CGNL1: variants seen among roughly 807,000 people sequenced by gnomAD.
The protein encoded by CGNL1 is cingulin-like protein 1.
CGNL1 carries 132 observed loss-of-function variants against 141.2 expected under a neutral mutation model. The observed-to-expected ratio is 0.93, with a 90% CI of 0.81 to 1.08. The LOEUF is 1.08. Ranked by LOEUF, CGNL1 falls within the 50% of genes least tolerant of loss-of-function variation. The pLI, the probability that CGNL1 is intolerant of heterozygous loss-of-function variation, is 0.00. For synonymous variants in CGNL1, 690 were observed against 622.1 expected (o/e 1.11, Z -1.63); for missense variants, 1,870 against 1,588.6 (o/e 1.18, Z -3.01).
At chr15:57,432,465 A>G (rs2063056477) in intron 1 of CGNL1, among the ~76,000 whole-genome samples, 1 of 152,228 alleles carries the variant, frequency 6.6e-6, no homozygotes, top group South Asian at 2.1e-4. Flanking sequence ...CTCGCTAACT[A>G]AAGCAATTAT....
intron 1 of CGNL1, among the ~76,000 whole-genome samples, chr15:57,433,236 G>T (rs1260552900): frequency 1.3e-5 from 2 of 152,208 alleles, no homozygotes; most frequent in Non-Finnish European, 2.9e-5. Context: ...TTATTTTGGT[G>T]TCAGCCCTCA....
intron 8 of CGNL1, among the ~76,000 whole-genome samples, chr15:57,513,841 A>T (rs2030547863): frequency 6.6e-6 from 1 of 152,102 alleles, no homozygotes; most frequent in African/African-American, 2.4e-5. Flanking sequence ...TATTTCTCTT[A>T]GCTATATAGC....
At chr15:57,473,827 A>C (rs1351945111) in intron 8 of CGNL1, among the ~76,000 whole-genome samples, 1 of 149,338 alleles carries the variant, frequency 6.7e-6, no homozygotes, top group African/African-American at 2.5e-5. Context: ...TAACATCTTG[A>C]CTGCAGCCTC....
chr15:57,512,397 G>A (rs1042479381), intron 8 of CGNL1, among the ~76,000 whole-genome samples: 9 of 152,116 alleles, frequency 5.9e-5, no homozygotes, highest in Non-Finnish European at 1.2e-4. Flanking sequence ...GGGTGTGGGG[G>A]CATGAAAATG....
intron 1 of CGNL1, among the ~76,000 whole-genome samples, chr15:57,378,237 G>T (rs187383611): frequency 1.3e-5 from 2 of 151,984 alleles, no homozygotes; most frequent in Admixed American, 1.3e-4. Flanking sequence ...GATAGTCTCC[G>T]GGGATCTTGG....
chr15:57,380,654 G>A (rs1360986766), intron 1 of CGNL1, among the ~76,000 whole-genome samples: 2 of 152,172 alleles, frequency 1.3e-5, no homozygotes, highest in African/African-American at 4.8e-5. Context: ...GACTCCAGGA[G>A]CGAGAAGGGT....
At position 57,550,552 on chromosome 15, in the gene CGNL1, T is replaced by C. The variant is rs1446883255; in HGVS notation, c.*3062T>C. 6.5e-6 allele frequency: 1 copy of C among 152,672 alleles called. No individual in the cohort carries two copies. Among genetic ancestry groups the C allele is most frequent in the African/African-American group, 2.4e-5 (1 of 41,466 alleles). The allele number at this position is 152,672 out of a possible 1,614,324, so 9.5% of individuals were successfully genotyped here. A position where few individuals can be genotyped will look rare whatever the true frequency, so the allele number is the denominator to read the frequency against. ...GGTTTTTCCTGCTTCTGAGTGTCGT[T>C]CTACAATGCCCGTTGACTTATTCCA... On this transcript the variant is annotated 3_prime_UTR_variant, in exon 19 of 19. Coordinates refer to ENST00000281282, the MANE Select transcript of CGNL1 (RefSeq NM_032866.5).
In CGNL1 at chr15:57,545,716, G is replaced by A. The variant is rs371292061; in HGVS notation, c.3609+16G>A. On this transcript the variant is annotated intron_variant, in intron 17 of 18. Transcript: ENST00000281282. ...GAAGGACCAGGTGGGGAGCCTCTGC[G>A]TGCATTTGCTCTTAGATGAGATTGC... 1.2e-5 allele frequency: 19 copies of A among 1,592,770 alleles called. No individual in the cohort carries two copies. Among genetic ancestry groups the A allele is most frequent in the East Asian group, 6.7e-5 (3 of 44,604 alleles).
chr15:57,490,806 G>A (rs2063850047), intron 8 of CGNL1, among the ~76,000 whole-genome samples: 1 of 152,134 alleles, frequency 6.6e-6, no homozygotes, highest in South Asian at 2.1e-4. Flanking sequence ...CATTACGTCA[G>A]CCACGTGATC....
intron 12 of CGNL1, among the ~76,000 whole-genome samples, chr15:57,526,978 T>G (rs912340448): frequency 6.6e-6 from 1 of 152,218 alleles, no homozygotes; most frequent in Non-Finnish European, 1.5e-5. Context: ...CTCATTTGAT[T>G]CTCATAATAG....
At chr15:57,433,379 G>A (rs373187373) in intron 1 of CGNL1, among the ~76,000 whole-genome samples, 3 of 152,282 alleles carry the variant, frequency 2.0e-5, no homozygotes, top group South Asian at 2.1e-4. Context: ...CACTCAAATG[G>A]TAGTAAGGGG....
intron 8 of CGNL1, among the ~76,000 whole-genome samples, chr15:57,482,588 G>T (rs2063739021): frequency 6.6e-6 from 1 of 152,114 alleles, no homozygotes; most frequent in Non-Finnish European, 1.5e-5. Context: ...GTAAAAGTGG[G>T]TTGGGCATTT....
chr15:57,394,921 G>A (rs940958037), intron 1 of CGNL1, among the ~76,000 whole-genome samples: 4 of 152,234 alleles, frequency 2.6e-5, no homozygotes, highest in Admixed American at 6.5e-5. Context: ...AGACCAGCCT[G>A]GCCAACATGG....
At chr15:57,451,015 A>C (rs1412652310) in intron 4 of CGNL1, among the ~76,000 whole-genome samples, 1 of 13,954 alleles carries the variant, frequency 7.2e-5, no homozygotes, top group East Asian at 2.2e-3. Context: ...CTGCCATTAA[A>C]ATAGAAAAAA....
At chr15:57,480,494 T>G (rs780692597) in intron 8 of CGNL1, among the ~76,000 whole-genome samples, 40 of 152,082 alleles carry the variant, frequency 2.6e-4, no homozygotes, top group Non-Finnish European at 5.3e-4. Context: ...CACTCCAGCC[T>G]GGACAACAGA....
intron 1 of CGNL1, among the ~76,000 whole-genome samples, chr15:57,378,467 G>A (rs141598372): frequency 5.9e-5 from 8 of 136,410 alleles, no homozygotes; most frequent in African/African-American, 1.4e-4. Flanking sequence ...CGGCAGCCTC[G>A]GCCTCCCTGG....
At chr15:57,544,637 G>A in intron 16 of CGNL1, 40 bp downstream of exon 16, 1 of 1,552,414 alleles carries the variant, frequency 6.4e-7, no homozygotes, top group Non-Finnish European at 8.7e-7. Context: ...AGGCCCCAGT[G>A]GGCAGTGACA....
intron 8 of CGNL1, among the ~76,000 whole-genome samples, chr15:57,474,570 C>T (rs1013541357): frequency 6.6e-6 from 1 of 152,136 alleles, no homozygotes; most frequent in African/African-American, 2.4e-5. Flanking sequence ...AAAGGACACC[C>T]GCATAGTTTA....
At position 57,384,867 on chromosome 15, in the gene CGNL1, G is replaced by T. The variant is rs142366649; in HGVS notation, c.-16+8300G>T. On this transcript the variant is annotated intron_variant, in intron 1 of 18. Transcript: ENST00000281282. Reference sequence around the variant, plus strand: ...TTCCTCTGTCTCTAGCAGCCACAGTGATATCTAAACAGAAAAACAGACAAG... The same window carrying T: ...TTCCTCTGTCTCTAGCAGCCACAGTTATATCTAAACAGAAAAACAGACAAG... Among the ~76,000 whole-genome samples, 614 of 152,308 alleles carry T rather than the reference G, an allele frequency of 4.0e-3. 2 individuals are homozygous for T. Among genetic ancestry groups the T allele is most frequent in the African/African-American group, 0.014 (591 of 41,554 alleles).
Sources: allele counts gnomAD v4.1 joint callset (sites outside exome capture counted in the v4.1 genomes callset), GRCh38; gene constraint gnomAD v4.1.1; transcripts MANE v1.5; gene names NCBI Gene and HGNC (gene_info 2026-07-23, HGNC 2026-07-21).